The following SCIN variants were observed in gnomAD, a reference collection of about 807,000 sequenced individuals.
SCIN encodes adseverin.
Under a neutral mutation model 91.8 loss-of-function variants are expected in SCIN, and 91 were observed. The observed-to-expected ratio is 0.99, with a 90% CI of 0.84 to 1.18. The LOEUF is 1.18. Ranked by LOEUF, SCIN falls within the 50% of genes most tolerant of loss-of-function variation. SCIN has a pLI of 0.00. For missense variants in SCIN, 1,087 were observed against 863.9 expected (o/e 1.26, Z -3.24); for synonymous variants, 367 against 312.6 (o/e 1.17, Z -1.84).
chr7:12,631,002 T>C (rs1783631379), intron 9 of SCIN, among the ~76,000 whole-genome samples: 1 of 152,200 alleles, frequency 6.6e-6, no homozygotes, highest in Admixed American at 6.5e-5. Context: ...TAATTCTCTT[T>C]TGAATATGAA....
intron 4 of SCIN, among the ~76,000 whole-genome samples, chr7:12,609,884 A>AG (rs1010720652): frequency 1.6e-4 from 24 of 151,750 alleles, no homozygotes; most frequent in African/African-American, 5.6e-4. Flanking sequence ...CTAAAAAAAA[A>AG]GAAAATCAGA....
chr7:12,659,499 G>A lies in SCIN; in HGVS notation c.*6784G>A, dbSNP rs927338656. The A allele has an allele frequency of 2.6e-5, 4 of 152,140 alleles. No homozygotes were observed. The highest frequency in any genetic ancestry group is 9.7e-5 in the African/African-American group (4 of 41,420). 9.4% of individuals were successfully genotyped at this position (152,140 alleles called of 1,614,324 possible). A position where few individuals can be genotyped will look rare whatever the true frequency, so the allele number is the denominator to read the frequency against. On this transcript the variant is annotated 3_prime_UTR_variant, in exon 16 of 16. Coordinates refer to ENST00000297029, the MANE Select transcript of SCIN (RefSeq NM_001112706.3). ...TCCAAACATGTGCCATTTTGGCATG[G>A]ATATCTAAAGCCACCATGATGGCTT...
At chr7:12,572,934 A>T (rs1213947188) in intron 1 of SCIN, among the ~76,000 whole-genome samples, 1 of 152,200 alleles carries the variant, frequency 6.6e-6, no homozygotes, top group Non-Finnish European at 1.5e-5. Context: ...AAGTGATATA[A>T]CACAGGTAGA....
At chr7:12,573,726 C>A (rs1281642117) in intron 1 of SCIN, among the ~76,000 whole-genome samples, 2 of 152,120 alleles carry the variant, frequency 1.3e-5, no homozygotes, top group Non-Finnish European at 2.9e-5. Flanking sequence ...ACATCCCTAA[C>A]CTAAGGTACA....
chr7:12,644,280 GCAAA>G lies in SCIN; in HGVS notation c.1725_1728del (p.Cys575Ter). On this transcript the variant is annotated frameshift_variant, in exon 12 of 16. Transcript: ENST00000297029. LOFTEE classifies it high-confidence loss of function. ...GAGTATGTAGCAAGTGTCCTAAAGT[GCAAA>G]ACCTTAAGGATCCAAGAAGGCGAGG... The G allele has an allele frequency of 1.3e-6, 2 of 1,596,880 alleles. No homozygotes were observed. Among genetic ancestry groups the G allele is most frequent in the South Asian group, 2.3e-5 (2 of 88,118 alleles).
At chr7:12,636,398 A>G (rs952899773) in intron 10 of SCIN, among the ~76,000 whole-genome samples, 1 of 152,202 alleles carries the variant, frequency 6.6e-6, no homozygotes, top group African/African-American at 2.4e-5. Flanking sequence ...ATCACACCCT[A>G]TGTCAATGAT....
chr7:12,652,234 G>A (rs1298239565), intron 15 of SCIN, among the ~76,000 whole-genome samples: 3 of 152,222 alleles, frequency 2.0e-5, no homozygotes, highest in African/African-American at 7.2e-5. Context: ...TTTTGACTAT[G>A]CTGTTCTTTC....
In SCIN at chr7:12,651,937, G is replaced by A. The variant is rs73048771; in HGVS notation, c.2020+36G>A. ...TCGATGGACCATTATAGCAGTAACC[G>A]GGCACCATTATGACCGAGTGTCTGG... is the stretch of plus-strand genomic sequence containing the variant. On this transcript the variant is annotated intron_variant, in intron 15 of 15. Coordinates refer to ENST00000297029, the MANE Select transcript of SCIN (RefSeq NM_001112706.3). The surrounding 1 kb of genome is among the most constrained non-coding windows in gnomAD (Gnocchi z 5.9). 4.5e-3 allele frequency: 6,575 copies of A among 1,445,878 alleles called. 28 individuals carry two copies. The highest frequency in any genetic ancestry group is 5.8e-3 in the Non-Finnish European group (6,006 of 1,040,506). 89.6% of individuals were successfully genotyped at this position (1,445,878 alleles called of 1,614,324 possible).
At chr7:12,592,977 G>C (rs1196786680) in intron 3 of SCIN, among the ~76,000 whole-genome samples, 1 of 152,238 alleles carries the variant, frequency 6.6e-6, no homozygotes, top group Non-Finnish European at 1.5e-5. Context: ...CAGTGGCTAG[G>C]CCAAGGAGCT....
chr7:12,615,468 C>T (rs1021968092), intron 4 of SCIN, among the ~76,000 whole-genome samples: 7 of 152,114 alleles, frequency 4.6e-5, no homozygotes, highest in African/African-American at 1.4e-4. Context: ...CCTTGCTTCC[C>T]CTTCACCTTC....
chr7:12,578,538 A>C (rs2115206715), intron 2 of SCIN, among the ~76,000 whole-genome samples: 1 of 152,292 alleles, frequency 6.6e-6, no homozygotes, highest in East Asian at 1.9e-4. Context: ...CAACATTTAA[A>C]TTTTGGTAAT....
intron 3 of SCIN, among the ~76,000 whole-genome samples, chr7:12,601,997 A>G (rs1276218639): frequency 2.6e-5 from 4 of 152,200 alleles, no homozygotes; most frequent in Admixed American, 6.5e-5. Flanking sequence ...TCGGTAGAAC[A>G]TGAGATTCTT....
intron 3 of SCIN, among the ~76,000 whole-genome samples, chr7:12,603,398 C>T (rs548873352): frequency 1.8e-4 from 28 of 152,122 alleles, no homozygotes; most frequent in African/African-American, 6.5e-4. Context: ...AAGCCTCGGC[C>T]TCTCAAAGTG....
intron 4 of SCIN, among the ~76,000 whole-genome samples, chr7:12,615,822 G>A (rs1783287628): frequency 6.6e-6 from 1 of 152,006 alleles, no homozygotes; most frequent in African/African-American, 2.4e-5. Flanking sequence ...AAAATTTCAT[G>A]CTTGGAAATT....
intron 4 of SCIN, among the ~76,000 whole-genome samples, chr7:12,610,197 GT>G (rs1294733636): frequency 6.6e-6 from 1 of 152,148 alleles, no homozygotes; most frequent in Non-Finnish European, 1.5e-5. Flanking sequence ...TGTTCCTTTT[GT>G]TTTTTAAGTC....
At chr7:12,640,592 G>A (rs1783839517) in intron 11 of SCIN, 75 bp downstream of exon 11, 2 of 1,316,578 alleles carry the variant, frequency 1.5e-6, no homozygotes, top group East Asian at 2.9e-5. Context: ...GCAAATATTA[G>A]ACTTTAAAAA....
intron 5 of SCIN, among the ~76,000 whole-genome samples, 184 bp downstream of exon 5, chr7:12,623,077 G>A (rs563663871): frequency 6.6e-6 from 1 of 151,886 alleles, no homozygotes; most frequent in African/African-American, 2.4e-5. Context: ...AATACTTTTT[G>A]TTATTTTTAT....
At position 12,632,125 on chromosome 7, in the gene SCIN, T is replaced by C. The variant is rs891710400; in HGVS notation, c.1319+2903T>C. On this transcript the variant is annotated intron_variant, in intron 9 of 15. Coordinates refer to ENST00000297029, the MANE Select transcript of SCIN (RefSeq NM_001112706.3). ...TTTTATTTTATTTTATTTTATTTTA[T>C]TTTATTTTATTTTATTTTATTTTAG... 1.0e-3 allele frequency among the ~76,000 whole-genome samples: 145 copies of C among 143,210 alleles called. 1 individual carries two copies. Among genetic ancestry groups the C allele is most frequent in the African/African-American group, 3.9e-3 (139 of 35,406 alleles). The allele number at this position is 143,210 out of a possible 152,430, so 94.0% of individuals were successfully genotyped here. A position where few individuals can be genotyped will look rare whatever the true frequency, so the allele number is the denominator to read the frequency against.
chr7:12,590,447 G>T (rs950213323), intron 3 of SCIN, among the ~76,000 whole-genome samples: 4 of 152,076 alleles, frequency 2.6e-5, no homozygotes, highest in African/African-American at 9.7e-5. Context: ...GAAATAGGGT[G>T]AAGGAGTAGG....
Sources: allele counts gnomAD v4.1 joint callset (sites outside exome capture counted in the v4.1 genomes callset), GRCh38; gene constraint gnomAD v4.1.1; non-coding constraint Gnocchi (gnomAD v3.1); transcripts MANE v1.5; gene names NCBI Gene and HGNC (gene_info 2026-07-23, HGNC 2026-07-21).